ROCK2: variants seen among roughly 807,000 people sequenced by gnomAD.
ROCK2 encodes the protein Rho associated coiled-coil containing protein kinase 2, also known as rho-associated protein kinase 2.
In ROCK2, 61 loss-of-function variants were observed where a neutral mutation model predicts 195.1. That is an observed-to-expected ratio of 0.31 (90% CI 0.25 to 0.39). The LOEUF is 0.39. ROCK2 is among the 10% of genes least tolerant of loss of function. The probability of loss-of-function intolerance (pLI) is 1.00; values close to 1 mark genes in which losing one functional copy is unlikely to be tolerated. For missense variants in ROCK2, 1,109 were observed against 1,637.4 expected, an observed-to-expected ratio of 0.68 and a Z score of 5.57; for synonymous variants, 504 against 545.5, an observed-to-expected ratio of 0.92 and a Z score of 1.06.
chr2:11,215,466 T>A, intron 14 of ROCK2, 44 bp downstream of exon 14: 1 of 1,606,476 alleles, frequency 6.2e-7, no homozygotes, highest in Non-Finnish European at 8.5e-7. Context: ...ATACACACAC[T>A]TAATTTTTTT....
chr2:11,286,850 A>G (rs1455762546), intron 2 of ROCK2, among the ~76,000 whole-genome samples: 1 of 152,172 alleles, frequency 6.6e-6, no homozygotes, highest in Non-Finnish European at 1.5e-5. Flanking sequence ...AATGAACACC[A>G]CTGACTGCCA....
At chr2:11,245,403 A>T (rs1219562045) in intron 4 of ROCK2, among the ~76,000 whole-genome samples, 2 of 152,100 alleles carry the variant, frequency 1.3e-5, no homozygotes, top group African/African-American at 4.8e-5. Context: ...TCAAGCATGC[A>T]ACTAGTAAAA....
chr2:11,296,007 A>AGAGGGG (rs1558369880), intron 1 of ROCK2, among the ~76,000 whole-genome samples: 33 of 25,298 alleles, frequency 1.3e-3, no homozygotes, highest in African/African-American at 1.8e-3. Flanking sequence ...GAGAGAGAGG[A>AGAGGGG]GAGAGAGAGA....
intron 1 of ROCK2, among the ~76,000 whole-genome samples, chr2:11,325,900 G>A (rs146045082): frequency 7.2e-5 from 11 of 152,236 alleles, no homozygotes; most frequent in Non-Finnish European, 1.2e-4. Context: ...AAGAGGTAAC[G>A]CTGATAAGAT....
intron 18 of ROCK2, among the ~76,000 whole-genome samples, chr2:11,211,405 G>A (rs1664240446): frequency 6.6e-6 from 1 of 151,948 alleles, no homozygotes; most frequent in South Asian, 2.1e-4. Flanking sequence ...GATATTACCA[G>A]GTATATAATA....
At position 11,192,319 on chromosome 2, in the gene ROCK2, G is replaced by A; in HGVS notation, c.3992C>T (p.Ala1331Val). ...CTTCTGCTGCTCTTCTGTAGAATTT[G>A]CTAGTAATAACAGATTCTTTGCCGT... ...ISTAKNLLLL[A>V]NSTEEQQKWV... is the part of the protein sequence containing the mutation. The change falls in exon 32 of 33, where the codon GCA becomes GTA. Residue 1331 changes from alanine (A) to valine (V), a missense_variant. Ala to Val is a moderately conservative substitution (Grantham distance 64). Coordinates refer to ENST00000315872, the MANE Select transcript of ROCK2 (RefSeq NM_004850.5). This position sits in a 1 kb window ranked among gnomAD's most constrained non-coding sequence, Gnocchi z 5.0. 3 of 1,613,752 alleles carry A rather than the reference G, an allele frequency of 1.9e-6. No individual in the cohort carries two copies. The highest frequency in any genetic ancestry group is 8.5e-7 in the Non-Finnish European group (1 of 1,179,880).
intron 5 of ROCK2, 81 bp from the exon 6 acceptor site, chr2:11,227,479 T>C: frequency 7.7e-7 from 1 of 1,307,126 alleles, no homozygotes; most frequent in South Asian, 1.4e-5. Context: ...CATTTATTAC[T>C]AGATATACAA....
intron 1 of ROCK2, among the ~76,000 whole-genome samples, chr2:11,342,051 C>T (rs914322255): frequency 1.3e-5 from 2 of 151,900 alleles, no homozygotes; most frequent in African/African-American, 2.4e-5. Context: ...ATAAAATACG[C>T]GTAATTTAAA....
At chr2:11,209,310 T>C (rs1435669910) in intron 18 of ROCK2, among the ~76,000 whole-genome samples, 1 of 152,206 alleles carries the variant, frequency 6.6e-6, no homozygotes, top group Non-Finnish European at 1.5e-5. Flanking sequence ...CCTGTTTCCT[T>C]ATCTCCAGAA....
In ROCK2 at chr2:11,249,801, G is replaced by T; in HGVS notation, c.325-3C>A. The T allele has an allele frequency of 6.7e-7, 1 of 1,498,390 alleles. No individual in the cohort carries two copies. The highest frequency in any genetic ancestry group is 8.9e-7 in the Non-Finnish European group (1 of 1,128,328). 92.8% of individuals were successfully genotyped at this position (1,498,390 alleles called of 1,614,324 possible). On this transcript the variant is annotated splice_region_variant and splice_polypyrimidine_tract_variant and intron_variant, in intron 3 of 32. Coordinates refer to ENST00000315872, the MANE Select transcript of ROCK2 (RefSeq NM_004850.5). ...TTCTGCGATGCCTTGTGACGAACCT[G>T]TTGATTTTTGAAAACACAAAAATTA...
chr2:11,237,388 T>C (rs1011712743), intron 4 of ROCK2, among the ~76,000 whole-genome samples: 2 of 152,196 alleles, frequency 1.3e-5, no homozygotes, highest in African/African-American at 4.8e-5. Context: ...CACCAACGTC[T>C]ACCTAAAAGT....
At chr2:11,216,711 CTGTTT>C (rs1372187358) in intron 12 of ROCK2, among the ~76,000 whole-genome samples, 1 of 149,328 alleles carries the variant, frequency 6.7e-6, no homozygotes, top group East Asian at 2.0e-4. Context: ...CTCTCCGTTT[CTGTTT>C]TTTCTTTTTT....
intron 3 of ROCK2, among the ~76,000 whole-genome samples, chr2:11,284,422 A>T (rs1667116206): frequency 6.6e-6 from 1 of 152,184 alleles, no homozygotes; most frequent in Non-Finnish European, 1.5e-5. Flanking sequence ...GTGTCAATGT[A>T]AGCATCAGTT....
intron 18 of ROCK2, 25 bp downstream of exon 18, chr2:11,211,656 A>G (rs1257849995): frequency 3.2e-6 from 5 of 1,559,882 alleles, no homozygotes; most frequent in Non-Finnish European, 4.3e-6. Flanking sequence ...ACGCTGCTGG[A>G]AAACCCTCTT....
intron 1 of ROCK2, among the ~76,000 whole-genome samples, chr2:11,298,982 C>T (rs1667621904): frequency 6.6e-6 from 1 of 151,786 alleles, no homozygotes; most frequent in Admixed American, 6.6e-5. Flanking sequence ...TAAAAAATCG[C>T]TGGAGGCCGG....
At chr2:11,296,823 A>G (rs1406828964) in intron 1 of ROCK2, among the ~76,000 whole-genome samples, 1 of 152,168 alleles carries the variant, frequency 6.6e-6, no homozygotes, top group Admixed American at 6.5e-5. Context: ...TGTGACAACT[A>G]ATGAAAGACT....
At chr2:11,314,184 T>G (rs1443693051) in intron 1 of ROCK2, among the ~76,000 whole-genome samples, 1 of 151,972 alleles carries the variant, frequency 6.6e-6, no homozygotes, top group Non-Finnish European at 1.5e-5. Flanking sequence ...AAAAACTATT[T>G]GCAGTCAACA....
chr2:11,294,106 G>A (rs1315261494), intron 1 of ROCK2, among the ~76,000 whole-genome samples: 2 of 151,996 alleles, frequency 1.3e-5, no homozygotes, highest in African/African-American at 2.4e-5. Context: ...GCAGTGAGCC[G>A]AGATCGTGCC....
At chr2:11,308,963 A>G (rs1667948791) in intron 1 of ROCK2, 9 of 1,609,850 alleles carry the variant, frequency 5.6e-6, no homozygotes, top group Non-Finnish European at 6.8e-6. Flanking sequence ...TGAACCTGGA[A>G]CTTCTGTGAA....
Sources: allele counts gnomAD v4.1 joint callset (sites outside exome capture counted in the v4.1 genomes callset), GRCh38; gene constraint gnomAD v4.1.1; non-coding constraint Gnocchi (gnomAD v3.1); transcripts MANE v1.5; gene names NCBI Gene and HGNC (gene_info 2026-07-23, HGNC 2026-07-21).